The following CCDC102B variants were observed in gnomAD, a reference collection of about 807,000 sequenced individuals.
CCDC102B encodes the protein coiled-coil domain-containing protein 102B.
Under a neutral mutation model 57.4 loss-of-function variants are expected in CCDC102B, and 75 were observed. The ratio of observed to expected loss-of-function variants is 1.31; its 90% CI spans 1.08 to 1.58. The LOEUF (loss-of-function observed/expected upper bound fraction) is 1.58, where lower values mean the gene tolerates loss of function less well. Among genes scored for constraint, CCDC102B ranks in the 40% most tolerant of loss-of-function variants. The pLI, the probability that CCDC102B is intolerant of heterozygous loss-of-function variation, is 0.00. For missense variants in CCDC102B, 636 were observed against 582.6 expected (o/e 1.09, Z -0.94); for synonymous variants, 206 against 201.9 (o/e 1.02, Z -0.17).
At chr18:69,032,676 C>T (rs1260799581) in intron 7 of CCDC102B, among the ~76,000 whole-genome samples, 1 of 152,128 alleles carries the variant, frequency 6.6e-6, no homozygotes, top group African/African-American at 2.4e-5. Context: ...ACTTGAAATA[C>T]TTCTACTGCA....
chr18:68,740,521 A>T (rs1202888497), intron 2 of CCDC102B, among the ~76,000 whole-genome samples: 2 of 152,204 alleles, frequency 1.3e-5, no homozygotes, highest in Non-Finnish European at 2.9e-5. Context: ...CATTCATGTG[A>T]TCTCTAACAT....
intron 4 of CCDC102B, among the ~76,000 whole-genome samples, chr18:68,874,248 G>A (rs189235503): frequency 2.3e-3 from 352 of 150,238 alleles, no homozygotes; most frequent in Non-Finnish European, 4.1e-3. Flanking sequence ...GCCCAAGTTT[G>A]TCTCTGTTAC....
At chr18:68,733,478 T>TTATATATA (rs1301629816) in intron 2 of CCDC102B, among the ~76,000 whole-genome samples, 57 of 25,130 alleles carry the variant, frequency 2.3e-3, no homozygotes, top group African/African-American at 8.8e-3. Context: ...TTAGACAACT[T>TTATATATA]TATATATATA....
chr18:68,842,635 A>C (rs2037686199), intron 3 of CCDC102B, among the ~76,000 whole-genome samples: 1 of 152,096 alleles, frequency 6.6e-6, no homozygotes, highest in African/African-American at 2.4e-5. Context: ...AGCAGCAATA[A>C]AGACAACTTG....
chr18:68,814,535 A>G (rs1487054927), intron 1 of CCDC102B, among the ~76,000 whole-genome samples: 2 of 152,144 alleles, frequency 1.3e-5, no homozygotes, highest in Non-Finnish European at 2.9e-5. Context: ...ACTAAAATCT[A>G]TCATGTATAG....
chr18:68,847,316 AAC>A (rs1375051084), intron 4 of CCDC102B, among the ~76,000 whole-genome samples: 1 of 151,738 alleles, frequency 6.6e-6, no homozygotes, highest in Non-Finnish European at 1.5e-5. Context: ...ATGACACAAA[AAC>A]ACATTATGTT....
chr18:68,757,474 A>G (rs2034088920), intron 2 of CCDC102B, among the ~76,000 whole-genome samples: 1 of 152,202 alleles, frequency 6.6e-6, no homozygotes, highest in African/African-American at 2.4e-5. Flanking sequence ...AACTATACAT[A>G]ACAAACTGGT....
At chr18:68,765,320 G>GAAAGAAAA (rs1568238728) in intron 2 of CCDC102B, among the ~76,000 whole-genome samples, 470 of 40,638 alleles carry the variant, frequency 0.012, 8 homozygotes, top group South Asian at 0.031. Flanking sequence ...AAGGAAGGAA[G>GAAAGAAAA]GAAGGAAAGA....
chr18:69,048,491 TATGATAAG>T (rs1266233655), intron 7 of CCDC102B, among the ~76,000 whole-genome samples: 1 of 152,100 alleles, frequency 6.6e-6, no homozygotes, highest in Non-Finnish European at 1.5e-5. Context: ...GGGAAACTTC[TATGATAAG>T]AAAGTAAACT....
chr18:68,742,564 C>T (rs1036970454), intron 2 of CCDC102B, among the ~76,000 whole-genome samples: 2 of 152,204 alleles, frequency 1.3e-5, no homozygotes, highest in Non-Finnish European at 2.9e-5. Context: ...TAATGGCAGA[C>T]ATAACTTCTT....
downstream of CCDC102B, among the ~76,000 whole-genome samples, chr18:69,055,694 G>A (rs116698104): frequency 0.017 from 2,536 of 152,130 alleles, 37 homozygotes; most frequent in African/African-American, 0.032. Flanking sequence ...CTGGCAAGGC[G>A]TCTTCCTCTC....
chr18:68,881,841 T>C (rs1459549857), intron 5 of CCDC102B, among the ~76,000 whole-genome samples: 1 of 152,178 alleles, frequency 6.6e-6, no homozygotes, highest in Non-Finnish European at 1.5e-5. Context: ...CACTATGTGA[T>C]ACTGCTTTAC....
intron 1 of CCDC102B, among the ~76,000 whole-genome samples, chr18:68,803,287 T>A (rs990846118): frequency 6.6e-6 from 1 of 152,174 alleles, no homozygotes; most frequent in South Asian, 2.1e-4. Context: ...GAAATAGAGA[T>A]GTGAATAAAA....
intron 7 of CCDC102B, among the ~76,000 whole-genome samples, chr18:69,042,370 C>G (rs1172737778): frequency 6.6e-6 from 1 of 152,084 alleles, no homozygotes; most frequent in Admixed American, 6.6e-5. Flanking sequence ...AAAGCTGCCA[C>G]TAATGTGAAA....
chr18:68,856,042 T>G (rs1159775971), intron 4 of CCDC102B, among the ~76,000 whole-genome samples: 1 of 152,140 alleles, frequency 6.6e-6, no homozygotes, highest in East Asian at 1.9e-4. Flanking sequence ...CCAAGGCTTT[T>G]GCAGAAATGT....
In CCDC102B at chr18:68,856,529, C is replaced by T. The variant is rs998893398; in HGVS notation, c.936+10108C>T. ...ACCCAGGCTGGTCTCCAACTCCTGGCCTCTAGTGATCTTCCCACATTGGCC... is the reference window on the plus strand; with the variant it reads ...ACCCAGGCTGGTCTCCAACTCCTGGTCTCTAGTGATCTTCCCACATTGGCC... On this transcript the variant is annotated intron_variant, in intron 4 of 7. Transcript: ENST00000360242. 5.9e-5 allele frequency among the ~76,000 whole-genome samples: 9 copies of T among 152,272 alleles called. No individual in the cohort carries two copies. In the East Asian group the frequency reaches 9.7e-4, roughly 16 times the overall value.
At chr18:68,972,293 C>T (rs1285673207) in intron 6 of CCDC102B, among the ~76,000 whole-genome samples, 2 of 152,138 alleles carry the variant, frequency 1.3e-5, no homozygotes, top group Non-Finnish European at 2.9e-5. Flanking sequence ...CAGGCATGTG[C>T]AGTCCCTGCC....
At chr18:68,875,274 CCAA>C (rs947693275) in intron 5 of CCDC102B, among the ~76,000 whole-genome samples, 5 of 152,246 alleles carry the variant, frequency 3.3e-5, no homozygotes, top group Middle Eastern at 3.4e-3. Flanking sequence ...CCTGCCACCA[CCAA>C]CAATAAATGA....
At chr18:68,911,103 A>G (rs746845141) in intron 6 of CCDC102B, among the ~76,000 whole-genome samples, 12 of 152,240 alleles carry the variant, frequency 7.9e-5, no homozygotes, top group Admixed American at 7.8e-4. Context: ...CCAAAGGAAT[A>G]TAAATCATTT....
Sources: gnomAD v4.1 joint callset for allele counts (sites outside exome capture counted in the v4.1 genomes callset) on GRCh38, gnomAD v4.1.1 for gene constraint, MANE v1.5 for transcripts, NCBI Gene and HGNC (gene_info 2026-07-23, HGNC 2026-07-21) for gene names.